Variants in AKAP9 observed in about 807,000 individuals in gnomAD.
AKAP9 encodes A-kinase anchor protein 9.
A neutral mutation model predicts 488.5 loss-of-function variants in AKAP9; 311 were observed. The observed-to-expected ratio is 0.64, with a 90% CI of 0.58 to 0.70. The LOEUF is 0.70. Ranked by LOEUF, AKAP9 falls within the 30% of genes least tolerant of loss-of-function variation. The pLI is 0.00. For synonymous variants in AKAP9, 1,462 were observed against 1,483.5 expected (o/e 0.99, Z 0.33); for missense variants, 4,215 against 4,374.5 (o/e 0.96, Z 1.03).
intron 37 of AKAP9, 54 bp downstream of exon 37, chr7:92,086,470 T>C: frequency 7.0e-7 from 1 of 1,425,016 alleles, no homozygotes; most frequent in Non-Finnish European, 9.9e-7. Context: ...GAAATGACTA[T>C]TGATTTTAGA....
chr7:92,022,543 G>A (rs1802468269), intron 13 of AKAP9, among the ~76,000 whole-genome samples, 191 bp downstream of exon 13: 1 of 152,020 alleles, frequency 6.6e-6, no homozygotes, highest in Non-Finnish European at 1.5e-5. Context: ...CCCTTCTTAT[G>A]TTCTGTGATT....
intron 1 of AKAP9, among the ~76,000 whole-genome samples, chr7:91,963,667 G>A (rs1192881254): frequency 2.0e-5 from 3 of 151,988 alleles, no homozygotes; most frequent in Non-Finnish European, 2.9e-5. Flanking sequence ...ACAGGCACCC[G>A]CCACCATGCC....
intron 3 of AKAP9, among the ~76,000 whole-genome samples, chr7:91,991,343 C>T (rs765161882): frequency 6.6e-6 from 1 of 152,066 alleles, no homozygotes; most frequent in Non-Finnish European, 1.5e-5. Flanking sequence ...CAGTATGTTG[C>T]CCACAGTGGA....
intron 2 of AKAP9, among the ~76,000 whole-genome samples, chr7:91,975,382 CTTAACT>C (rs1271190741): frequency 1.3e-5 from 2 of 152,078 alleles, no homozygotes; most frequent in Non-Finnish European, 2.9e-5. Flanking sequence ...TAATTGTATT[CTTAACT>C]TTATTTTCTG....
At chr7:92,106,960 C>T (rs559344862) in intron 47 of AKAP9, among the ~76,000 whole-genome samples, 8 of 152,236 alleles carry the variant, frequency 5.3e-5, no homozygotes, top group African/African-American at 1.4e-4. Flanking sequence ...ACATCATTTC[C>T]CACAAGCCAC....
intron 20 of AKAP9, among the ~76,000 whole-genome samples, chr7:92,044,170 G>T (rs1178250776): frequency 3.9e-5 from 6 of 152,112 alleles, no homozygotes; most frequent in Non-Finnish European, 7.4e-5. Flanking sequence ...AGAAATACAG[G>T]CATTAAAATT....
At chr7:92,109,412 T>C (rs1372132489) in intron 49 of AKAP9, among the ~76,000 whole-genome samples, 4 of 152,198 alleles carry the variant, frequency 2.6e-5, no homozygotes, top group Non-Finnish European at 5.9e-5. Context: ...TAGGAAACTT[T>C]TATTATCATA....
intron 22 of AKAP9, among the ~76,000 whole-genome samples, chr7:92,056,911 T>G (rs1808875851): frequency 6.6e-6 from 1 of 152,010 alleles, no homozygotes; most frequent in South Asian, 2.1e-4. Context: ...GTTTTTTCCT[T>G]TCTTTAAAAC....
intron 1 of AKAP9, among the ~76,000 whole-genome samples, chr7:91,946,314 C>T (rs1791447110): frequency 6.6e-6 from 1 of 151,950 alleles, no homozygotes; most frequent in Non-Finnish European, 1.5e-5. Flanking sequence ...CGAGTAGATG[C>T]AGCAGTTTGA....
chr7:92,053,899 T>A (rs1808372504), intron 22 of AKAP9, among the ~76,000 whole-genome samples: 1 of 152,178 alleles, frequency 6.6e-6, no homozygotes, highest in Non-Finnish European at 1.5e-5. Context: ...ATGATTCTGA[T>A]TCACACTAAA....
At chr7:92,021,005 T>C (rs1802241041) in intron 12 of AKAP9, among the ~76,000 whole-genome samples, 1 of 152,256 alleles carries the variant, frequency 6.6e-6, no homozygotes, top group Non-Finnish European at 1.5e-5. Flanking sequence ...TATTTGGATC[T>C]ATCTTATTTA....
Position 92,041,909 on chromosome 7 carries a change from A to T in AKAP9, c.4918-137A>T, listed in dbSNP as rs2130783983. 5 of 854,560 alleles carry T rather than the reference A, an allele frequency of 5.9e-6. No individual in the cohort carries two copies. The South Asian group carries it at 6.7e-5, about 11-fold the overall frequency. 52.9% of individuals were successfully genotyped at this position (854,560 alleles called of 1,614,324 possible). On this transcript the variant is annotated intron_variant, in intron 18 of 49. Coordinates refer to ENST00000356239, the MANE Select transcript of AKAP9 (RefSeq NM_005751.5). Reference sequence around the variant, plus strand: ...GCATTGATCTTTGTATATACTTTTAACCCCTTACGATGGAATATGAATCAT... The same window carrying T: ...GCATTGATCTTTGTATATACTTTTATCCCCTTACGATGGAATATGAATCAT...
chr7:92,000,865 AG>A lies in AKAP9; in HGVS notation c.949del (p.Glu317LysfsTer18). The A allele has an allele frequency of 7.1e-7, 1 of 1,409,370 alleles. No homozygotes were observed. Among genetic ancestry groups the A allele is most frequent in the East Asian group, 2.5e-5 (1 of 39,564 alleles). 87.3% of individuals were successfully genotyped at this position (1,409,370 alleles called of 1,614,324 possible). A position where few individuals can be genotyped will look rare whatever the true frequency, so the allele number is the denominator to read the frequency against. ...TCCTAAAGGAACAAGATAAAAAAGT[AG>A]AAAACTCAAATAAAGAAGAAATACA... The part of the protein sequence containing the change: ...VYEMEQDKKV[E>X]NSNKEEIQEK... On this transcript the variant is annotated frameshift_variant, in exon 8 of 50. Coordinates refer to ENST00000356239, the MANE Select transcript of AKAP9 (RefSeq NM_005751.5). LOFTEE classifies it high-confidence loss of function.
chr7:92,011,282 A>G (rs1800711644), intron 8 of AKAP9, among the ~76,000 whole-genome samples: 1 of 152,240 alleles, frequency 6.6e-6, no homozygotes, highest in African/African-American at 2.4e-5. Context: ...AATGAGATAA[A>G]GAATATGAAA....
intron 3 of AKAP9, 47 bp downstream of exon 3, chr7:91,980,380 T>TG: frequency 1.1e-5 from 10 of 937,762 alleles, no homozygotes; most frequent in Non-Finnish European, 1.3e-5. Context: ...TGTATATTTA[T>TG]ATTATTATTG....
intron 21 of AKAP9, among the ~76,000 whole-genome samples, chr7:92,049,947 A>G (rs1807650906): frequency 6.6e-6 from 1 of 151,932 alleles, no homozygotes; most frequent in African/African-American, 2.4e-5. Context: ...TCTTTTCCTC[A>G]TGTTGATTCC....
intron 13 of AKAP9, 100 bp downstream of exon 13, chr7:92,022,452 C>T (rs1184556781): frequency 2.4e-6 from 2 of 823,390 alleles, no homozygotes; most frequent in African/African-American, 1.7e-5. Flanking sequence ...TGACCTTTGG[C>T]ATTTCACTGT....
intron 5 of AKAP9, 25 bp downstream of exon 5, chr7:91,993,080 G>T (rs370757689): frequency 3.7e-6 from 6 of 1,613,484 alleles, no homozygotes; most frequent in Non-Finnish European, 5.1e-6. Flanking sequence ...TGTGGCTTTT[G>T]ATTTGCTACT....
At position 92,046,528 on chromosome 7, in the gene AKAP9, C is replaced by A. The variant is rs111844010; in HGVS notation, c.5368+1315C>A. On this transcript the variant is annotated intron_variant, in intron 21 of 49. Transcript: ENST00000356239. ...TGCAAATAAAACTGATTTTTAAACA[C>A]CTTAGCTGAGTTCAAAGATAGTTTT... 3.8e-3 allele frequency among the ~76,000 whole-genome samples: 577 copies of A among 152,206 alleles called. 3 individuals carry two copies. Among genetic ancestry groups the A allele is most frequent in the Non-Finnish European group, 7.0e-3 (479 of 68,004 alleles).
Sources: allele counts gnomAD v4.1 joint callset (sites outside exome capture counted in the v4.1 genomes callset), GRCh38; gene constraint gnomAD v4.1.1; transcripts MANE v1.5; gene names NCBI Gene and HGNC (gene_info 2026-07-23, HGNC 2026-07-21).